The following XPO1 variants were observed in gnomAD, a reference collection of about 807,000 sequenced individuals.
XPO1 encodes exportin-1.
Under a neutral mutation model 133.3 loss-of-function variants are expected in XPO1, and 5 were observed. That is an observed-to-expected ratio of 0.04 (90% CI 0.02 to 0.08). The LOEUF is 0.08. Among genes scored for constraint, XPO1 ranks in the 10% least tolerant of loss-of-function variants. The pLI, the probability that XPO1 is intolerant of heterozygous loss-of-function variation, is 1.00. For synonymous variants in XPO1, 419 were observed against 408.2 expected, an observed-to-expected ratio of 1.03 and a Z score of -0.32; for missense variants, 506 against 1,267.5, an observed-to-expected ratio of 0.40 and a Z score of 9.12.
Position 61,538,150 on chromosome 2 carries a change from G to C in XPO1, c.-595C>G, listed in dbSNP as rs1378580201. ...TGGTTGCACGGACTGCAGCAGCAAA[G>C]ACTGGAACAGGCACCGCCGCCGGGG... On this transcript the variant is annotated 5_prime_UTR_variant, in exon 1 of 25. Coordinates refer to ENST00000401558, the MANE Select transcript of XPO1 (RefSeq NM_003400.4). The C allele has an allele frequency of 9.4e-6, 2 of 213,400 alleles. No individual in the cohort carries two copies. The highest frequency in any genetic ancestry group is 9.3e-6 in the Non-Finnish European group (1 of 107,356). The allele number at this position is 213,400 out of a possible 1,614,324, so 13.2% of individuals were successfully genotyped here.
Position 61,522,666 on chromosome 2 carries a change from A to G in XPO1, c.246T>C (p.Ile82=). ...ACCTTGTTTTTATCACATTTTCCAA[A>G]ATTTGTAGTCCATAGTACTGAAAAT... ...NMNTKYYGLQ[I]LENVIKTRWK... is the part of the protein sequence containing the mutation. Residue 82 remains isoleucine, a synonymous_variant, in exon 4 of 25, where the codon ATT becomes ATC. Coordinates refer to ENST00000401558, the MANE Select transcript of XPO1 (RefSeq NM_003400.4). 1 of 1,613,602 alleles carries G rather than the reference A, an allele frequency of 6.2e-7. No homozygotes were observed. The highest frequency in any genetic ancestry group is 1.1e-5 in the South Asian group (1 of 91,062).
intron 17 of XPO1, among the ~76,000 whole-genome samples, chr2:61,489,240 CCT>C (rs978424154): frequency 5.9e-5 from 9 of 151,862 alleles, no homozygotes; most frequent in African/African-American, 2.2e-4. Context: ...ATGGAGAAAC[CCT>C]GTCTCTACTA....
At position 61,478,499 on chromosome 2, in the gene XPO1, G is replaced by T; in HGVS notation, c.*321C>A. ...TTTACAGGAAAAATTGTATAATTTTGCATTAGAATTACAAGTATATGTTCA... is the reference window on the plus strand; with the variant it reads ...TTTACAGGAAAAATTGTATAATTTTTCATTAGAATTACAAGTATATGTTCA... On this transcript the variant is annotated 3_prime_UTR_variant, in exon 25 of 25. Coordinates refer to ENST00000401558, the MANE Select transcript of XPO1 (RefSeq NM_003400.4). 7.1e-6 allele frequency: 2 copies of T among 281,438 alleles called. No individual in the cohort carries two copies. The highest frequency in any genetic ancestry group is 1.3e-5 in the Non-Finnish European group (2 of 150,874). The allele number at this position is 281,438 out of a possible 1,614,324, so 17.4% of individuals were successfully genotyped here. A position where few individuals can be genotyped will look rare whatever the true frequency, so the allele number is the denominator to read the frequency against.
chr2:61,481,681 G>A (rs1201081407), intron 23 of XPO1, among the ~76,000 whole-genome samples: 2 of 151,812 alleles, frequency 1.3e-5, no homozygotes, highest in African/African-American at 2.4e-5. Flanking sequence ...CTGACCTCAG[G>A]TAATCTGCCC....
rs759775678 is a variant in XPO1 at position 61,499,868 on chromosome 2, A to C, written c.435T>G (p.His145Gln). ...VQILKQEWPK[H>Q]WPTFISDIVG... ...CAATATCACTGATAAAAGTTGGCCA[A>C]TGTTTGGGCCATTCTTGTTTCAGTA... Residue 145 changes from histidine to glutamine, a missense_variant, in exon 7 of 25, where the codon CAT (histidine) becomes CAG (glutamine). His to Gln is a conservative substitution (Grantham distance 24). This residue lies in a region of XPO1 where 68 missense variants were observed against 210.5 expected (regional missense o/e 0.32). Coordinates refer to ENST00000401558, the MANE Select transcript of XPO1 (RefSeq NM_003400.4). The C allele has an allele frequency of 6.2e-7, 1 of 1,610,722 alleles. No individual in the cohort carries two copies. The highest frequency in any genetic ancestry group is 1.7e-5 in the Admixed American group (1 of 59,102).
intron 2 of XPO1, among the ~76,000 whole-genome samples, chr2:61,527,133 CAAAT>C (rs1272498446): frequency 6.6e-6 from 1 of 152,024 alleles, no homozygotes; most frequent in African/African-American, 2.4e-5. Context: ...TATTCTGAAG[CAAAT>C]AAGTTCTCAG....
intron 4 of XPO1, among the ~76,000 whole-genome samples, chr2:61,521,882 T>C (rs191448347): frequency 1.2e-3 from 187 of 151,234 alleles, no homozygotes; most frequent in Non-Finnish European, 4.9e-4. Flanking sequence ...ACCCCACTGA[T>C]ACCCCTGTCC....
chr2:61,532,406 C>T lies in XPO1; in HGVS notation c.126+1366G>A, dbSNP rs553845269. Among the ~76,000 whole-genome samples, 82 of 152,112 alleles carry T rather than the reference C, an allele frequency of 5.4e-4. No homozygotes were observed. In the East Asian group the frequency reaches 0.014, roughly 26 times the overall value. The stretch of plus-strand genomic sequence containing the variant: ...CCTCTCAAAGTGCTGGGATTACAGG[C>T]GTGAGCCACCGCGCCCGGCCGGCAC... On this transcript the variant is annotated intron_variant, in intron 2 of 24. Coordinates refer to ENST00000401558, the MANE Select transcript of XPO1 (RefSeq NM_003400.4).
rs758813822 is a variant in XPO1, at chr2:61,492,752, C to T, written c.1385-4G>A. On this transcript the variant is annotated splice_polypyrimidine_tract_variant and splice_region_variant and intron_variant, in intron 13 of 24. Coordinates refer to ENST00000401558, the MANE Select transcript of XPO1 (RefSeq NM_003400.4). The surrounding 1 kb of genome is among the most constrained non-coding windows in gnomAD (Gnocchi z 5.6). ...TAATCCAGATGAGTAAGATAAACTA[C>T]AAAGAAAAACATGGTTTCAAATGCA... The T allele has an allele frequency of 2.5e-6, 4 of 1,609,096 alleles. No homozygotes were observed. Among genetic ancestry groups the T allele is most frequent in the Admixed American group, 3.4e-5 (2 of 58,932 alleles).
At chr2:61,486,459 C>G in intron 19 of XPO1, among the ~76,000 whole-genome samples, 1 of 94,170 alleles carries the variant, frequency 1.1e-5, no homozygotes, top group African/African-American at 3.6e-5. Context: ...GCCCTCAATA[C>G]TGTCTTTTTA....
intron 4 of XPO1, among the ~76,000 whole-genome samples, chr2:61,518,759 CA>C (rs1311974800): frequency 1.3e-5 from 2 of 152,026 alleles, no homozygotes; most frequent in African/African-American, 4.8e-5. Flanking sequence ...GTGTGAGGGA[CA>C]AAACACATAA....
intron 19 of XPO1, among the ~76,000 whole-genome samples, chr2:61,487,209 T>A (rs1051522533): frequency 6.6e-6 from 1 of 152,152 alleles, no homozygotes; most frequent in African/African-American, 2.4e-5. Flanking sequence ...CAATGTTTCA[T>A]GTGAACAAAT....
chr2:61,528,454 G>A lies in XPO1; in HGVS notation c.127-1933C>T, dbSNP rs1014316738. The stretch of plus-strand genomic sequence containing the variant: ...TCAAGACCATCCTGACCAATATGGC[G>A]AAACCCCATCTCTACTAAAAATACA... On this transcript the variant is annotated intron_variant, in intron 2 of 24. Coordinates refer to ENST00000401558, the MANE Select transcript of XPO1 (RefSeq NM_003400.4). Among the ~76,000 whole-genome samples, 44 of 151,884 alleles carry A rather than the reference G, an allele frequency of 2.9e-4. 1 individual carries two copies. The highest frequency in any genetic ancestry group is 8.4e-4 in the African/African-American group (35 of 41,460).
At chr2:61,488,557 C>T in intron 18 of XPO1, 31 bp downstream of exon 18, 2 of 1,599,788 alleles carry the variant, frequency 1.3e-6, no homozygotes, top group Non-Finnish European at 1.7e-6. Context: ...TTTGTTTATA[C>T]TGCATTGTGT....
intron 3 of XPO1, chr2:61,525,830 A>G: frequency 1.9e-6 from 2 of 1,041,770 alleles, no homozygotes; most frequent in Non-Finnish European, 1.2e-6. Flanking sequence ...CCTTTCGTGT[A>G]TTAAACAGAA....
chr2:61,532,379 G>A (rs975612382), intron 2 of XPO1, among the ~76,000 whole-genome samples: 9 of 151,952 alleles, frequency 5.9e-5, no homozygotes, highest in Middle Eastern at 3.4e-3. Flanking sequence ...CGCCGGCGTC[G>A]GCCTCTCAAA....
At chr2:61,521,661 G>A (rs1043194870) in intron 4 of XPO1, among the ~76,000 whole-genome samples, 6 of 152,182 alleles carry the variant, frequency 3.9e-5, no homozygotes, top group African/African-American at 1.4e-4. Flanking sequence ...CTCTTCCAAG[G>A]CATTCCCAGA....
intron 4 of XPO1, among the ~76,000 whole-genome samples, chr2:61,503,349 C>G (rs185391502): frequency 3.3e-5 from 5 of 152,098 alleles, no homozygotes; most frequent in Admixed American, 1.3e-4. Context: ...CCGCCTCCAC[C>G]TCCTGGGTTC....
At chr2:61,506,615 ATC>A (rs1697830386) in intron 4 of XPO1, among the ~76,000 whole-genome samples, 2 of 149,632 alleles carry the variant, frequency 1.3e-5, no homozygotes, top group African/African-American at 4.9e-5. Flanking sequence ...AAAAAAAAAA[ATC>A]CAATGTTAAA....
Sources: allele counts gnomAD v4.1 joint callset (sites outside exome capture counted in the v4.1 genomes callset), GRCh38; gene constraint gnomAD v4.1.1; regional missense constraint gnomAD v4.1.1; non-coding constraint Gnocchi (gnomAD v3.1); transcripts MANE v1.5; gene names NCBI Gene and HGNC (gene_info 2026-07-23, HGNC 2026-07-21).